The following FOCAD variants were observed in gnomAD, a reference collection of about 807,000 sequenced individuals.
FOCAD encodes the protein KIAA1797.
In FOCAD, 198 loss-of-function variants were observed where a neutral mutation model predicts 225.6. The ratio of observed to expected loss-of-function variants is 0.88; its 90% CI spans 0.78 to 0.99. The LOEUF (loss-of-function observed/expected upper bound fraction) is 0.99, where lower values mean the gene tolerates loss of function less well. Among genes scored for constraint, FOCAD ranks in the 50% least tolerant of loss-of-function variants. The pLI, the probability that FOCAD is intolerant of heterozygous loss-of-function variation, is 0.00. For synonymous variants in FOCAD, 897 were observed against 755.0 expected, an observed-to-expected ratio of 1.19 and a Z score of -3.08; for missense variants, 2,713 against 2,123.6, an observed-to-expected ratio of 1.28 and a Z score of -5.46.
At chr9:20,968,425 C>CTTT (rs1839456945) in intron 35 of FOCAD, among the ~76,000 whole-genome samples, 1 of 45,196 alleles carries the variant, frequency 2.2e-5, no homozygotes, top group Non-Finnish European at 5.1e-5. Context: ...TTTGTATTTT[C>CTTT]TTATTCTTTT....
At position 20,945,682 on chromosome 9, in the gene FOCAD, G is replaced by A. The variant is rs962664191; in HGVS notation, c.3555+908G>A. ...CCAAAAGAGTAAATCTTGCAACCTA[G>A]GAGCAAATTAATTATAAATGAAAGC... On this transcript the variant is annotated intron_variant, in intron 29 of 43. Coordinates refer to ENST00000338382, the MANE Select transcript of FOCAD (RefSeq NM_001375567.1). Among the ~76,000 whole-genome samples the A allele has an allele frequency of 5.3e-5, 8 of 152,178 alleles. No individual in the cohort carries two copies. The East Asian group carries it at 1.5e-3, about 29-fold the overall frequency.
chr9:20,688,591 A>G (rs1202487177), intron 1 of FOCAD, among the ~76,000 whole-genome samples: 2 of 152,206 alleles, frequency 1.3e-5, no homozygotes, highest in African/African-American at 4.8e-5. Context: ...TAGTTAAAAC[A>G]ATGTGAGAAT....
chr9:20,873,225 T>C (rs4977786), intron 18 of FOCAD, among the ~76,000 whole-genome samples: 128,042 of 152,006 alleles, frequency 0.84, 54,171 homozygotes, highest in Admixed American at 0.9. Flanking sequence ...CTCTATTTTT[T>C]TGTTTTGCCA....
At chr9:20,936,714 A>G (rs957909285) in intron 28 of FOCAD, among the ~76,000 whole-genome samples, 3 of 152,158 alleles carry the variant, frequency 2.0e-5, no homozygotes, top group African/African-American at 7.2e-5. Flanking sequence ...CCGATTCAAC[A>G]TAGTGTTGGA....
chr9:20,731,358 T>G (rs1826684889), intron 4 of FOCAD, among the ~76,000 whole-genome samples: 1 of 152,220 alleles, frequency 6.6e-6, no homozygotes. Flanking sequence ...TTCCCAGTAT[T>G]TACAGTTATC....
chr9:20,927,324 T>G (rs1464087240), intron 26 of FOCAD, among the ~76,000 whole-genome samples: 1 of 152,194 alleles, frequency 6.6e-6, no homozygotes, highest in Non-Finnish European at 1.5e-5. Flanking sequence ...CTATAGTAGT[T>G]GTAGCCCTTG....
chr9:20,953,142 C>A, intron 35 of FOCAD, 77 bp downstream of exon 35: 3 of 1,161,558 alleles, frequency 2.6e-6, no homozygotes, highest in Non-Finnish European at 3.8e-6. Context: ...CCTAAGCATG[C>A]CTCTGTAGAA....
chr9:20,784,266 G>A (rs1312106423), intron 10 of FOCAD, among the ~76,000 whole-genome samples: 3 of 152,240 alleles, frequency 2.0e-5, no homozygotes, highest in African/African-American at 7.2e-5. Context: ...AATCAAAGAA[G>A]CACACAGGAA....
chr9:20,791,256 C>CACAT (rs1048712950), intron 11 of FOCAD, among the ~76,000 whole-genome samples: 2 of 151,516 alleles, frequency 1.3e-5, no homozygotes, highest in African/African-American at 4.9e-5. Context: ...CACACACACA[C>CACAT]ACACACAGGA....
At chr9:20,986,176 A>G in intron 39 of FOCAD, 112 bp from the exon 40 acceptor site, 2 of 1,015,972 alleles carry the variant, frequency 2.0e-6, no homozygotes, top group Non-Finnish European at 2.7e-6. Flanking sequence ...CAGGAAATGA[A>G]CAGAATAGTA....
At chr9:20,948,793 T>C (rs1342263031) in intron 31 of FOCAD, 58 bp from the exon 32 acceptor site, 2 of 1,576,180 alleles carry the variant, frequency 1.3e-6, no homozygotes, top group African/African-American at 1.3e-5. Context: ...AGAAGTTTTA[T>C]AGAATCTAAA....
In FOCAD at chr9:20,813,571, G is replaced by A. The variant is rs531736524; in HGVS notation, c.1456-6225G>A. Among the ~76,000 whole-genome samples, 9 of 152,160 alleles carry A rather than the reference G, an allele frequency of 5.9e-5. No individual in the cohort carries two copies. In the South Asian group the frequency reaches 1.9e-3, roughly 32 times the overall value. On this transcript the variant is annotated intron_variant, in intron 11 of 43. Coordinates refer to ENST00000338382, the MANE Select transcript of FOCAD (RefSeq NM_001375567.1). ...CAGGTATGAGGTGACATCTCATTAT[G>A]GTTCTAATTTGTGGTTGGAAAGGGT...
chr9:20,920,253 C>A (rs1834276957), intron 24 of FOCAD, among the ~76,000 whole-genome samples: 1 of 146,538 alleles, frequency 6.8e-6, no homozygotes, highest in African/African-American at 2.5e-5. Flanking sequence ...CAAATCAAAA[C>A]CACAATGAGA....
intron 20 of FOCAD, among the ~76,000 whole-genome samples, chr9:20,882,344 T>G (rs1830745389): frequency 6.6e-6 from 1 of 152,174 alleles, no homozygotes; most frequent in Admixed American, 6.5e-5. Flanking sequence ...AAAGAGAAAC[T>G]AGAGGAGCTT....
chr9:20,701,424 C>CTG (rs932382224), intron 1 of FOCAD, among the ~76,000 whole-genome samples: 8 of 152,056 alleles, frequency 5.3e-5, no homozygotes, highest in Non-Finnish European at 1.0e-4. Flanking sequence ...GCATTGCCAT[C>CTG]TGTGTGTGTG....
chr9:20,923,511 G>A, intron 24 of FOCAD, 149 bp from the exon 25 acceptor site: 2 of 591,922 alleles, frequency 3.4e-6, no homozygotes, highest in East Asian at 5.6e-5. Flanking sequence ...GAAACTGTTG[G>A]CCTAACACAA....
chr9:20,991,202 G>A (rs1841639809), intron 42 of FOCAD, among the ~76,000 whole-genome samples: 1 of 152,190 alleles, frequency 6.6e-6, no homozygotes, highest in African/African-American at 2.4e-5. Context: ...TAGCTGTTCT[G>A]CAAAGCATAA....
At chr9:20,670,156 G>C (rs1008177175) in intron 2 of FOCAD, among the ~76,000 whole-genome samples, 1 of 152,160 alleles carries the variant, frequency 6.6e-6, no homozygotes, top group Non-Finnish European at 1.5e-5. Context: ...ACTCTTATTA[G>C]GGGCCCAAGG....
At chr9:20,687,419 T>C (rs559183939) in intron 1 of FOCAD, among the ~76,000 whole-genome samples, 56 of 152,320 alleles carry the variant, frequency 3.7e-4, no homozygotes, top group Middle Eastern at 6.8e-3. Context: ...ACTGTAGTTT[T>C]ATGAAGTTTT....
Sources: gnomAD v4.1 joint callset for allele counts (sites outside exome capture counted in the v4.1 genomes callset) on GRCh38, gnomAD v4.1.1 for gene constraint, MANE v1.5 for transcripts, NCBI Gene and HGNC (gene_info 2026-07-23, HGNC 2026-07-21) for gene names.